Variants in PTK2 observed in about 807,000 individuals in gnomAD.
The protein encoded by PTK2 is protein tyrosine kinase 2.
PTK2 carries 45 observed loss-of-function variants against 150.1 expected under a neutral mutation model. The observed-to-expected ratio is 0.30, with a 90% confidence interval of 0.24 to 0.38. The LOEUF (loss-of-function observed/expected upper bound fraction) is 0.38. Ranked by LOEUF, PTK2 falls within the 10% of genes least tolerant of loss-of-function variation. The pLI is 1.00. For synonymous variants in PTK2, 432 were observed against 449.2 expected (o/e 0.96, Z 0.48); for missense variants, 919 against 1,307.3 (o/e 0.70, Z 4.58).
intron 23 of PTK2, among the ~76,000 whole-genome samples, chr8:140,716,030 G>A (rs2100039521): frequency 6.6e-6 from 1 of 152,148 alleles, no homozygotes; most frequent in Non-Finnish European, 1.5e-5. Context: ...AAATACTTAT[G>A]TTACTTTGCA....
rs1361266178 is a variant in PTK2, at chr8:140,872,739, A to T, written c.362+6732T>A. On this transcript the variant is annotated intron_variant, in intron 4 of 31. Coordinates refer to ENST00000522684, the Ensembl canonical transcript of PTK2. Reference sequence around the variant, plus strand: ...AGGAATTTACCATTCCCTTATTTACATGTTCCATATGGTCTTAACATGTGT... The same window carrying T: ...AGGAATTTACCATTCCCTTATTTACTTGTTCCATATGGTCTTAACATGTGT... Among the ~76,000 whole-genome samples, 6 of 152,180 alleles carry T rather than the reference A, an allele frequency of 3.9e-5. No individual in the cohort carries two copies. The East Asian group carries it at 1.2e-3, about 29-fold the overall frequency.
chr8:140,923,256 T>C (rs929865737), intron 2 of PTK2, among the ~76,000 whole-genome samples: 3 of 152,184 alleles, frequency 2.0e-5, no homozygotes, highest in Non-Finnish European at 2.9e-5. Context: ...ATGGAAATGT[T>C]AGGAACCAAC....
At chr8:140,706,023 T>G in intron 24 of PTK2, 96 bp downstream of exon 27, 1 of 995,524 alleles carries the variant, frequency 1.0e-6, no homozygotes, top group Non-Finnish European at 1.5e-6. Flanking sequence ...ATCATACTCA[T>G]AAGTACATAA....
At chr8:140,967,465 T>C (rs113374661) in intron 1 of PTK2, among the ~76,000 whole-genome samples, 43 of 144,390 alleles carry the variant, frequency 3.0e-4, no homozygotes, top group Non-Finnish European at 4.4e-4. Flanking sequence ...TTCTTTCTTT[T>C]TTTTTTTTTT....
At chr8:140,670,538 CAT>C (rs1298848641) in intron 29 of PTK2, among the ~76,000 whole-genome samples, 3 of 114,782 alleles carry the variant, frequency 2.6e-5, no homozygotes, top group South Asian at 2.9e-4. Context: ...CACACACACA[CAT>C]TGGGAGCTTA....
chr8:140,838,485 A>C (rs540662894), intron 7 of PTK2, among the ~76,000 whole-genome samples: 58 of 152,182 alleles, frequency 3.8e-4, no homozygotes, highest in Admixed American at 7.2e-4. Context: ...AATATTGTTA[A>C]GTATCTTTAT....
At chr8:140,890,443 A>G (rs2100153840) in intron 3 of PTK2, 100 bp downstream of exon 3, 3 of 994,512 alleles carry the variant, frequency 3.0e-6, no homozygotes, top group Admixed American at 2.6e-5. Flanking sequence ...AAAGTCCCCG[A>G]TAAGTTAAAT....
At chr8:140,935,702 C>CTTTTTTTTTT (rs34554819) in intron 1 of PTK2, among the ~76,000 whole-genome samples, 1,383 of 123,570 alleles carry the variant, frequency 0.011, 67 homozygotes, top group East Asian at 0.026. Flanking sequence ...ATGTCCTCAT[C>CTTTTTTTTTT]TTTTTTTTTT....
At chr8:140,743,945 T>C (rs2100057217) in intron 19 of PTK2, among the ~76,000 whole-genome samples, 1 of 152,024 alleles carries the variant, frequency 6.6e-6, no homozygotes, top group South Asian at 2.1e-4. Flanking sequence ...GCCCAGCTAA[T>C]TTTTTGTATT....
intron 16 of PTK2, among the ~76,000 whole-genome samples, chr8:140,756,691 C>CAAA (rs544200204): frequency 2.9e-4 from 29 of 99,484 alleles, no homozygotes; most frequent in East Asian, 2.2e-3. Context: ...AACTCTGTCT[C>CAAA]AAAAAAAAAA....
chr8:140,839,965 A>G (rs980091643), intron 7 of PTK2, among the ~76,000 whole-genome samples: 2 of 152,236 alleles, frequency 1.3e-5, no homozygotes, highest in Non-Finnish European at 2.9e-5. Context: ...ATTTCTTGTC[A>G]TAACAGAGTA....
In PTK2 at chr8:140,951,331, A is replaced by G. The variant is rs147236698; in HGVS notation, c.-121-25582T>C. Among the ~76,000 whole-genome samples the G allele has an allele frequency of 4.8e-4, 73 of 152,292 alleles. No individual in the cohort carries two copies. In the East Asian group the frequency reaches 0.012, roughly 24 times the overall value. ...CTAGCTGCTTCGCAACCAGATCCAT[A>G]CTGCAGGAGCTCAAATGGCCCAACG... On this transcript the variant is annotated intron_variant, in intron 1 of 31. Coordinates refer to ENST00000522684, the Ensembl canonical transcript of PTK2.
chr8:140,803,920 A>T (rs1009162144), intron 10 of PTK2, among the ~76,000 whole-genome samples: 17 of 152,184 alleles, frequency 1.1e-4, no homozygotes, highest in African/African-American at 4.1e-4. Context: ...TACCACTGAG[A>T]GAGAACAGAA....
chr8:140,681,547 AGGGGGG>A (rs59071314), intron 27 of PTK2, among the ~76,000 whole-genome samples: 25 of 151,588 alleles, frequency 1.6e-4, no homozygotes, highest in Non-Finnish European at 3.2e-4. Context: ...GGAGGCGGGC[AGGGGGG>A]GATCACGAAG....
At chr8:140,660,416 T>C (rs1433269069) in intron 31 of PTK2, among the ~76,000 whole-genome samples, 2 of 152,186 alleles carry the variant, frequency 1.3e-5, no homozygotes, top group Non-Finnish European at 2.9e-5. Flanking sequence ...TCCTTGGCTA[T>C]ACAAAAAATG....
At position 140,740,453 on chromosome 8, in the gene PTK2, C is replaced by A. The variant is rs2100055036; in HGVS notation, c.1736-1346G>T. Among the ~76,000 whole-genome samples the A allele has an allele frequency of 5.3e-5, 8 of 152,222 alleles. No individual in the cohort carries two copies. In the South Asian group the frequency reaches 1.7e-3, roughly 31 times the overall value. ...TCTGCCAGCATGTCAAGGGTCTGGA[C>A]TTTCTTCTGTAAGCAATGAGTTGCC... On this transcript the variant is annotated intron_variant, in intron 20 of 31. Coordinates refer to ENST00000522684, the Ensembl canonical transcript of PTK2.
intron 1 of PTK2, among the ~76,000 whole-genome samples, chr8:140,954,485 CAG>C (rs1309770977): frequency 5.9e-5 from 9 of 152,170 alleles, no homozygotes; most frequent in Non-Finnish European, 1.0e-4. Flanking sequence ...AATTGTAACT[CAG>C]AGTGTTTATA....
chr8:140,668,401 G>C, exon 30 of PTK2: 1 of 1,612,914 alleles, frequency 6.2e-7, no homozygotes, highest in Non-Finnish European at 8.5e-7. Flanking sequence ...CAGTAGGAGG[G>C]GGGCTGATTT....
At chr8:140,704,343 T>A (rs2100032468) in intron 24 of PTK2, among the ~76,000 whole-genome samples, 1 of 152,128 alleles carries the variant, frequency 6.6e-6, no homozygotes, top group Middle Eastern at 3.2e-3. Flanking sequence ...ATGAAAAAAA[T>A]CAATGTTTTA....
Sources: gnomAD v4.1 joint callset for allele counts (sites outside exome capture counted in the v4.1 genomes callset) on GRCh38, gnomAD v4.1.1 for gene constraint, MANE v1.5 for transcripts, NCBI Gene and HGNC (gene_info 2026-07-23, HGNC 2026-07-21) for gene names.